Variants in CENPP observed in about 807,000 individuals in gnomAD.
CENPP encodes the protein centromere protein P.
Under a neutral mutation model 35.6 loss-of-function variants are expected in CENPP, and 24 were observed. That is an observed-to-expected ratio of 0.67 (90% CI 0.49 to 0.95). The LOEUF is 0.95. Ranked by LOEUF, CENPP falls within the 40% of genes least tolerant of loss-of-function variation. The pLI is 0.00. For synonymous variants in CENPP, 120 were observed against 125.5 expected, an observed-to-expected ratio of 0.96 and a Z score of 0.29; for missense variants, 332 against 345.3, an observed-to-expected ratio of 0.96 and a Z score of 0.31.
At chr9:92,587,943 T>A (rs1438205002) in intron 5 of CENPP, among the ~76,000 whole-genome samples, 1 of 152,024 alleles carries the variant, frequency 6.6e-6, no homozygotes, top group Non-Finnish European at 1.5e-5. Context: ...CTGGCCAACA[T>A]GGCGAAACCC....
chr9:92,491,745 GTC>G (rs1387602992), intron 5 of CENPP, among the ~76,000 whole-genome samples: 1 of 152,096 alleles, frequency 6.6e-6, no homozygotes, highest in African/African-American at 2.4e-5. Context: ...TCCTTTTGAT[GTC>G]TCTCGTATCT....
intron 5 of CENPP, among the ~76,000 whole-genome samples, chr9:92,488,124 CG>C (rs979439006): frequency 1.3e-5 from 2 of 152,122 alleles, no homozygotes; most frequent in Admixed American, 1.3e-4. Flanking sequence ...TTTCAACTTA[CG>C]GTGGGTTTAT....
intron 5 of CENPP, among the ~76,000 whole-genome samples, chr9:92,420,987 T>C (rs536234054): frequency 3.9e-5 from 6 of 152,292 alleles, no homozygotes; most frequent in Non-Finnish European, 8.8e-5. Context: ...TTGGGAAATG[T>C]GGTTGGTTAA....
chr9:92,351,518 A>G (rs1260095188), intron 4 of CENPP, among the ~76,000 whole-genome samples: 2 of 151,954 alleles, frequency 1.3e-5, no homozygotes, highest in East Asian at 1.9e-4. Flanking sequence ...CCCATAAACA[A>G]TAACTCCCAC....
At position 92,615,558 on chromosome 9, in the gene CENPP, G is replaced by T. The variant is rs1221058815; in HGVS notation, c.*2409G>T. On this transcript the variant is annotated 3_prime_UTR_variant, in exon 8 of 8. Coordinates refer to ENST00000375587, the MANE Select transcript of CENPP (RefSeq NM_001012267.3). ...GACATGAGCCCTGGTTGGGAAAGAAGAACTATCCAGAACGTCTTCCCAGGG... is the reference window on the plus strand; with the variant it reads ...GACATGAGCCCTGGTTGGGAAAGAATAACTATCCAGAACGTCTTCCCAGGG... The T allele has an allele frequency of 5.0e-6, 2 of 396,390 alleles. No individual in the cohort carries two copies. The highest frequency in any genetic ancestry group is 4.6e-6 in the Non-Finnish European group (1 of 216,282). The allele number at this position is 396,390 out of a possible 1,614,324, so 24.6% of individuals were successfully genotyped here. A position where few individuals can be genotyped will look rare whatever the true frequency, so the allele number is the denominator to read the frequency against.
At chr9:92,493,892 A>G (rs7869742) in intron 5 of CENPP, 164,946 of 406,704 alleles carry the variant, frequency 0.41, 39,212 homozygotes, top group African/African-American at 0.81. Flanking sequence ...GAAGCGACAT[A>G]CACAGCAAGC....
chr9:92,372,791 T>A (rs929420198), intron 4 of CENPP, among the ~76,000 whole-genome samples: 1 of 151,954 alleles, frequency 6.6e-6, no homozygotes, highest in Non-Finnish European at 1.5e-5. Context: ...AGAAATCCAC[T>A]GTTAGTCTGA....
rs1401450726 is a variant in CENPP, at chr9:92,493,929, C to T, written c.564+114070C>T. Reference sequence around the variant, plus strand: ...CACAGTGCGTCTGCTCCACAGGCACCGGTCTGGATCTGCTGTTAATCCAGG... The same window carrying T: ...CACAGTGCGTCTGCTCCACAGGCACTGGTCTGGATCTGCTGTTAATCCAGG... On this transcript the variant is annotated intron_variant, in intron 5 of 7. Transcript: ENST00000375587. 1.7e-5 allele frequency: 9 copies of T among 543,498 alleles called. 1 individual carries two copies. Among genetic ancestry groups the T allele is most frequent in the South Asian group, 1.3e-4 (5 of 37,204 alleles). The allele number at this position is 543,498 out of a possible 1,614,324, so 33.7% of individuals were successfully genotyped here. A position where few individuals can be genotyped will look rare whatever the true frequency, so the allele number is the denominator to read the frequency against.
intron 5 of CENPP, among the ~76,000 whole-genome samples, chr9:92,513,833 TG>T (rs1847512980): frequency 6.6e-6 from 1 of 152,234 alleles, no homozygotes; most frequent in Admixed American, 6.5e-5. Context: ...ATCTTAATTT[TG>T]GTGGTGGTTA....
intron 5 of CENPP, among the ~76,000 whole-genome samples, chr9:92,439,427 T>C (rs1244840469): frequency 1.3e-5 from 2 of 152,174 alleles, no homozygotes; most frequent in East Asian, 3.9e-4. Flanking sequence ...TATTCTGTGT[T>C]TCCAAATAAA....
chr9:92,429,918 G>A (rs536866381), intron 5 of CENPP, among the ~76,000 whole-genome samples: 12 of 152,250 alleles, frequency 7.9e-5, no homozygotes, highest in Non-Finnish European at 1.6e-4. Flanking sequence ...AAGCATTCTT[G>A]TATGAAATTG....
At chr9:92,571,709 G>A (rs944891487) in intron 5 of CENPP, among the ~76,000 whole-genome samples, 1 of 152,128 alleles carries the variant, frequency 6.6e-6, no homozygotes, top group Non-Finnish European at 1.5e-5. Context: ...TATTCTGTGG[G>A]AGTCTAAGTC....
At chr9:92,423,075 T>G (rs1203670715) in intron 5 of CENPP, among the ~76,000 whole-genome samples, 1 of 152,202 alleles carries the variant, frequency 6.6e-6, no homozygotes, top group Non-Finnish European at 1.5e-5. Context: ...TCTCTACTAA[T>G]GTTGATTATT....
rs1564024199 is a variant in CENPP at position 92,615,724 on chromosome 9, T to C, written c.*2575T>C. On this transcript the variant is annotated 3_prime_UTR_variant, in exon 8 of 8. Transcript: ENST00000375587. ...GAGGCAATCCCACCTCAAAAGGGGTTAAAAGCAAAAACATTCACAACCAAA... is the reference window on the plus strand; with the variant it reads ...GAGGCAATCCCACCTCAAAAGGGGTCAAAAGCAAAAACATTCACAACCAAA... The C allele has an allele frequency of 1.1e-6, 1 of 912,912 alleles. No homozygotes were observed. The highest frequency in any genetic ancestry group is 1.6e-5 in the African/African-American group (1 of 60,612). The allele number at this position is 912,912 out of a possible 1,614,324, so 56.6% of individuals were successfully genotyped here.
intron 5 of CENPP, among the ~76,000 whole-genome samples, chr9:92,552,297 A>G (rs1239327547): frequency 1.3e-5 from 2 of 151,954 alleles, no homozygotes; most frequent in South Asian, 2.1e-4. Flanking sequence ...TTGTGCTGCT[A>G]TAAACATGCA....
At chr9:92,592,542 C>T (rs1850690704) in intron 5 of CENPP, among the ~76,000 whole-genome samples, 2 of 152,292 alleles carry the variant, frequency 1.3e-5, no homozygotes, top group Middle Eastern at 6.8e-3. Flanking sequence ...AGTCTTTATC[C>T]ATCATACTGT....
intron 5 of CENPP, chr9:92,535,969 A>T (rs764395568): frequency 2.0e-6 from 1 of 511,732 alleles, no homozygotes. Flanking sequence ...GCTTGGTGTC[A>T]TTTAAGTCTC....
In CENPP at chr9:92,523,183, C is replaced by T. The variant is rs1177634463; in HGVS notation, c.565-88131C>T. On this transcript the variant is annotated intron_variant, in intron 5 of 7. Transcript: ENST00000375587. ...GCAGCCTTGAACTCCTGGGCTCAAGCAGTCCTCCTGCATTGGCCTCCCAAA... is the reference window on the plus strand; with the variant it reads ...GCAGCCTTGAACTCCTGGGCTCAAGTAGTCCTCCTGCATTGGCCTCCCAAA... 2.6e-5 allele frequency among the ~76,000 whole-genome samples: 4 copies of T among 152,048 alleles called. No homozygotes were observed. In the South Asian group the frequency reaches 6.2e-4, roughly 24 times the overall value.
intron 1 of CENPP, among the ~76,000 whole-genome samples, chr9:92,326,734 G>T (rs1034326173): frequency 1.3e-5 from 2 of 152,140 alleles, no homozygotes; most frequent in African/African-American, 4.8e-5. Context: ...CCAAAGTCTG[G>T]GCACTTTTGG....
Sources: gnomAD v4.1 joint callset for allele counts (sites outside exome capture counted in the v4.1 genomes callset) on GRCh38, gnomAD v4.1.1 for gene constraint, MANE v1.5 for transcripts, NCBI Gene and HGNC (gene_info 2026-07-23, HGNC 2026-07-21) for gene names.